ABHD1: variants seen among roughly 807,000 people sequenced by gnomAD.
The protein encoded by ABHD1 is abhydrolase domain containing 1, also known as protein ABHD1.
A neutral mutation model predicts 41.4 loss-of-function variants in ABHD1; 47 were observed. The observed-to-expected ratio is 1.13, with a 90% confidence interval of 0.90 to 1.45. ABHD1 has a LOEUF of 1.45. Ranked by LOEUF, ABHD1 falls within the 40% of genes most tolerant of loss-of-function variation. The probability of loss-of-function intolerance (pLI) is 0.00; values close to 1 mark genes in which losing one functional copy is unlikely to be tolerated. For synonymous variants in ABHD1, 205 were observed against 203.7 expected, an observed-to-expected ratio of 1.01 and a Z score of -0.05; for missense variants, 550 against 503.4, an observed-to-expected ratio of 1.09 and a Z score of -0.89.
chr2:27,128,763 C>T (rs536670758), intron 2 of ABHD1, among the ~76,000 whole-genome samples, 162 bp downstream of exon 2: 186 of 152,282 alleles, frequency 1.2e-3, no homozygotes, highest in African/African-American at 4.4e-3. Flanking sequence ...TGCACGGCCA[C>T]CAGGTCATCT....
rs1320635559 is a variant in ABHD1 at position 27,123,874 on chromosome 2, C to T, written c.-75C>T. 4.9e-6 allele frequency: 6 copies of T among 1,230,652 alleles called. No individual in the cohort carries two copies. The highest frequency in any genetic ancestry group is 6.8e-6 in the Non-Finnish European group (6 of 877,536). 76.2% of individuals were successfully genotyped at this position (1,230,652 alleles called of 1,614,324 possible). On this transcript the variant is annotated 5_prime_UTR_variant, in exon 1 of 9. Transcript: ENST00000316470. ...TGCACAGGCCGCCTATGGCGGGCGG[C>T]GGGTGGGACCGCGAGTTACAGCCGG...
chr2:27,129,654 G>A (rs747466323), intron 5 of ABHD1, 28 bp downstream of exon 5: 12 of 1,609,808 alleles, frequency 7.5e-6, no homozygotes, highest in Admixed American at 6.7e-5. Context: ...TTAGCCCAGA[G>A]GCCCAGTCTT....
Position 27,123,878 on chromosome 2 carries a change from TG to T in ABHD1, c.-68del. The stretch of plus-strand genomic sequence containing the variant: ...CAGGCCGCCTATGGCGGGCGGCGGG[TG>T]GGACCGCGAGTTACAGCCGGCCAAC... On this transcript the variant is annotated 5_prime_UTR_variant, in exon 1 of 9. The change abolishes the stop of an existing upstream ORF in the 5' untranslated region. Transcript: ENST00000316470. The T allele has an allele frequency of 7.8e-7, 1 of 1,284,902 alleles. No individual in the cohort carries two copies. The highest frequency in any genetic ancestry group is 2.0e-5 in the Admixed American group (1 of 49,742). 79.6% of individuals were successfully genotyped at this position (1,284,902 alleles called of 1,614,324 possible).
Position 27,128,961 on chromosome 2 carries a change from C to A in ABHD1, c.292C>A (p.Pro98Thr), listed in dbSNP as rs1455960694. ...CAAAACCAGTGACATCCTCCAAACA[C>A]CAGATGGAGGCCAGCTCCTGCTAGA... ...VLYQSDILQT[P>T]DGGQLLLDWA... Residue 98 changes from proline to threonine, a missense_variant, in exon 3 of 9, where the codon CCA (proline) becomes ACA (threonine). Coordinates refer to ENST00000316470, the MANE Select transcript of ABHD1 (RefSeq NM_032604.4). The A allele has an allele frequency of 3.7e-6, 6 of 1,613,626 alleles. No homozygotes were observed. Among genetic ancestry groups the A allele is most frequent in the East Asian group, 2.2e-5 (1 of 44,892 alleles).
chr2:27,127,127 G>A (rs1403280592), intron 1 of ABHD1, among the ~76,000 whole-genome samples: 4 of 150,644 alleles, frequency 2.7e-5, no homozygotes, highest in Non-Finnish European at 5.9e-5. Context: ...AAAACCCCTT[G>A]GCAGTGAGCA....
intron 1 of ABHD1, 176 bp downstream of exon 1, chr2:27,124,238 C>T: frequency 2.8e-6 from 2 of 707,954 alleles, no homozygotes; most frequent in South Asian, 1.5e-5. Context: ...CCCATGTGAT[C>T]CCCATGCCAG....
In ABHD1 at chr2:27,123,898, G is replaced by A. The variant is rs771694746; in HGVS notation, c.-51G>A. The A allele has an allele frequency of 2.6e-6, 4 of 1,529,144 alleles. No homozygotes were observed. Among genetic ancestry groups the A allele is most frequent in the Non-Finnish European group, 3.6e-6 (4 of 1,111,094 alleles). 94.7% of individuals were successfully genotyped at this position (1,529,144 alleles called of 1,614,324 possible). On this transcript the variant is annotated 5_prime_UTR_variant, in exon 1 of 9. Transcript: ENST00000316470. ...GCGGGTGGGACCGCGAGTTACAGCC[G>A]GCCAACTGGGGCCAGCCAGGAGCCT...
At position 27,129,963 on chromosome 2, in the gene ABHD1, G is replaced by A. The variant is rs370160762; in HGVS notation, c.791+36G>A. On this transcript the variant is annotated intron_variant, in intron 6 of 8. Transcript: ENST00000316470. ...GGCAAGTGGGAGGAGGCAGTAGACA[G>A]AGTAGGATGGCAGACACTCCAGGCT... 1.9e-6 allele frequency: 3 copies of A among 1,613,142 alleles called. No homozygotes were observed. The Admixed American group carries it at 5.0e-5, about 27-fold the overall frequency.
rs2148415546 is a variant in ABHD1 at position 27,130,373 on chromosome 2, G to A, written c.963G>A (p.Val321=). The change falls in exon 8 of 9, where the codon GTG becomes GTA. Residue 321 remains valine (V), a synonymous_variant. Coordinates refer to ENST00000316470, the MANE Select transcript of ABHD1 (RefSeq NM_032604.4). ...AGATAGATGCCATCCGGATCCCTGTGCTCTATCTCAGTGCAGCAGATGACC... is the reference window on the plus strand; with the variant it reads ...AGATAGATGCCATCCGGATCCCTGTACTCTATCTCAGTGCAGCAGATGACC... ...RTKIDAIRIP[V]LYLSAADDPF... is the part of the protein sequence containing the mutation. 6.2e-7 allele frequency: 1 copy of A among 1,614,172 alleles called. No individual in the cohort carries two copies. The highest frequency in any genetic ancestry group is 8.5e-7 in the Non-Finnish European group (1 of 1,180,036).
chr2:27,127,404 A>T (rs1291894114), intron 1 of ABHD1, among the ~76,000 whole-genome samples: 2 of 147,726 alleles, frequency 1.4e-5, no homozygotes, highest in Non-Finnish European at 3.0e-5. Context: ...AGTACAAAAA[A>T]TTAGCCAGGC....
rs1216211245 is a variant in ABHD1, at chr2:27,127,395, G to A, written c.115-1046G>A. On this transcript the variant is annotated intron_variant, in intron 1 of 8. Coordinates refer to ENST00000316470, the MANE Select transcript of ABHD1 (RefSeq NM_032604.4). ...CAGTGAAACCCCGTCTCTACTGAAA[G>A]TACAAAAAATTAGCCAGGCGTGGTG... Among the ~76,000 whole-genome samples the A allele has an allele frequency of 4.9e-5, 7 of 142,402 alleles. No individual in the cohort carries two copies. In the East Asian group the frequency reaches 1.6e-3, roughly 32 times the overall value. 93.4% of individuals were successfully genotyped at this position (142,402 alleles called of 152,430 possible).
intron 2 of ABHD1, 39 bp from the exon 3 acceptor site, chr2:27,128,906 C>T (rs746594082): frequency 6.3e-7 from 1 of 1,598,906 alleles, no homozygotes; most frequent in Non-Finnish European, 8.5e-7. Flanking sequence ...ACATTAAGTT[C>T]TTAATAGTAT....
Position 27,124,011 on chromosome 2 carries a change from G to A in ABHD1, c.63G>A (p.Leu21=), listed in dbSNP as rs1671849319. The change falls in exon 1 of 9, where the codon TTG becomes TTA. Residue 21 remains leucine (L), a synonymous_variant. Transcript: ENST00000316470. ...GTWADTFSLL[L]ALAVALYLGY... Reference sequence around the variant, plus strand: ...GGGCAGACACCTTCTCTCTGCTCTTGGCTCTTGCCGTTGCCCTCTACTTGG... The same window carrying A: ...GGGCAGACACCTTCTCTCTGCTCTTAGCTCTTGCCGTTGCCCTCTACTTGG... 1 of 1,614,240 alleles carries A rather than the reference G, an allele frequency of 6.2e-7. No individual in the cohort carries two copies. Among genetic ancestry groups the A allele is most frequent in the Non-Finnish European group, 8.5e-7 (1 of 1,180,048 alleles).
Position 27,130,681 on chromosome 2 carries a change from C to T in ABHD1, c.1155C>T (p.Phe385=). Reference sequence around the variant, plus strand: ...TGCATCAGTACGCCAAAGCCATCTTCCAGGACCCAGAGGGGCTGCCTGACC... The same window carrying T: ...TGCATCAGTACGCCAAAGCCATCTTTCAGGACCCAGAGGGGCTGCCTGACC... ...RLLHQYAKAI[F]QDPEGLPDLR... Residue 385 remains phenylalanine (F), a synonymous_variant, in exon 9 of 9, where the codon TTC becomes TTT. Transcript: ENST00000316470. The T allele has an allele frequency of 2.5e-6, 4 of 1,614,236 alleles. No individual in the cohort carries two copies. Among genetic ancestry groups the T allele is most frequent in the Admixed American group, 1.7e-5 (1 of 60,030 alleles).
chr2:27,127,121 C>A (rs1233014575), intron 1 of ABHD1, among the ~76,000 whole-genome samples: 1 of 149,888 alleles, frequency 6.7e-6, no homozygotes, highest in African/African-American at 2.5e-5. Context: ...CTCAAAAAAA[C>A]CCCTTGGCAG....
chr2:27,128,923 G>A, intron 2 of ABHD1, 22 bp from the exon 3 acceptor site: 1 of 1,608,416 alleles, frequency 6.2e-7, no homozygotes, highest in Non-Finnish European at 8.5e-7. Context: ...GTATCTTTGT[G>A]TGCCTCTTCC....
intron 2 of ABHD1, 120 bp from the exon 3 acceptor site, chr2:27,128,825 C>T (rs1057230946): frequency 1.5e-6 from 2 of 1,298,760 alleles, no homozygotes; most frequent in African/African-American, 3.0e-5. Flanking sequence ...ATGAAGAACA[C>T]CCTCAGATGA....
At chr2:27,124,345 T>G (rs1039569441) in intron 1 of ABHD1, 1 of 506,226 alleles carries the variant, frequency 2.0e-6, no homozygotes, top group African/African-American at 1.9e-5. Context: ...ATCAGAGATG[T>G]GCACACTTTG....
intron 8 of ABHD1, 46 bp from the exon 9 acceptor site, chr2:27,130,487 G>A (rs763628621): frequency 2.9e-5 from 46 of 1,611,436 alleles, no homozygotes; most frequent in Non-Finnish European, 3.7e-5. Flanking sequence ...AGACAGCCTG[G>A]GCTCCCAGTG....
Sources: allele counts gnomAD v4.1 joint callset (sites outside exome capture counted in the v4.1 genomes callset), GRCh38; gene constraint gnomAD v4.1.1; transcripts MANE v1.5; gene names NCBI Gene and HGNC (gene_info 2026-07-23, HGNC 2026-07-21).